The following GRM3 variants were observed in gnomAD, a reference collection of about 807,000 sequenced individuals.
GRM3 encodes metabotropic glutamate receptor 3.
In GRM3, 26 loss-of-function variants were observed where a neutral mutation model predicts 70.5. The ratio of observed to expected loss-of-function variants is 0.37; its 90% confidence interval spans 0.27 to 0.51. GRM3 has a LOEUF of 0.51. Among genes scored for constraint, GRM3 ranks in the 20% least tolerant of loss-of-function variants. The pLI, the probability that GRM3 is intolerant of heterozygous loss-of-function variation, is 0.93. For synonymous variants in GRM3, 443 were observed against 434.9 expected (o/e 1.02, Z -0.23); for missense variants, 859 against 1,123.8 (o/e 0.76, Z 3.37).
At chr7:86,715,865 G>A (rs1795302147) in intron 1 of GRM3, among the ~76,000 whole-genome samples, 2 of 151,978 alleles carry the variant, frequency 1.3e-5, no homozygotes, top group South Asian at 2.1e-4. Context: ...TAAAAGGCCT[G>A]GAAAGTAAGG....
intron 1 of GRM3, among the ~76,000 whole-genome samples, chr7:86,681,790 A>G (rs57843796): frequency 0.094 from 14,372 of 152,252 alleles, 766 homozygotes; most frequent in South Asian, 0.16. Context: ...ACTGATAAAG[A>G]TGAACTAAGT....
At chr7:86,796,605 TG>T (rs1350278047) in intron 3 of GRM3, among the ~76,000 whole-genome samples, 1 of 152,246 alleles carries the variant, frequency 6.6e-6, no homozygotes. Context: ...AGAATGTCGA[TG>T]GTAATTTAGT....
intron 3 of GRM3, among the ~76,000 whole-genome samples, chr7:86,824,089 G>T (rs1170858787): frequency 6.6e-6 from 1 of 152,152 alleles, no homozygotes; most frequent in Non-Finnish European, 1.5e-5. Context: ...TGAGAAGCTA[G>T]TTCCTCTGTC....
At chr7:86,808,538 C>A (rs1402035560) in intron 3 of GRM3, among the ~76,000 whole-genome samples, 2 of 151,816 alleles carry the variant, frequency 1.3e-5, no homozygotes, top group African/African-American at 4.8e-5. Context: ...ACATGCTGAT[C>A]CATACCATGA....
rs767990007 is a variant in GRM3, at chr7:86,786,307, C to G, written c.515C>G (p.Ala172Gly). 1.9e-6 allele frequency: 3 copies of G among 1,614,000 alleles called. No individual in the cohort carries two copies. The Admixed American group carries it at 5.0e-5, about 27-fold the overall frequency. Residue 172 changes from alanine (A) to glycine (G), a missense_variant, in exon 3 of 6, where the codon GCA becomes GGA. Physicochemically the swap from Ala to Gly is moderately conservative, Grantham distance 60. Coordinates refer to ENST00000361669, the MANE Select transcript of GRM3 (RefSeq NM_000840.3). The surrounding 1 kb of genome is among the most constrained non-coding windows in gnomAD (Gnocchi z 6.0). ...RLFQIPQISYASTSAKLSDKS... is the reference protein window; with the variant it reads ...RLFQIPQISYGSTSAKLSDKS... Reference sequence around the variant, plus strand: ...TTCCAGATCCCTCAGATCAGCTACGCATCCACCAGCGCCAAACTCAGTGAT... The same window carrying G: ...TTCCAGATCCCTCAGATCAGCTACGGATCCACCAGCGCCAAACTCAGTGAT...
intron 1 of GRM3, among the ~76,000 whole-genome samples, chr7:86,645,648 C>A (rs1367466704): frequency 1.3e-5 from 2 of 152,054 alleles, no homozygotes; most frequent in Admixed American, 6.6e-5. Context: ...GTGGACAATT[C>A]TCTAAGGTAC....
At chr7:86,780,816 C>G (rs757206356) in intron 2 of GRM3, among the ~76,000 whole-genome samples, 4 of 152,136 alleles carry the variant, frequency 2.6e-5, no homozygotes, top group Non-Finnish European at 5.9e-5. Context: ...AAAGCACAGA[C>G]TGACAAATGA....
At chr7:86,848,115 A>T (rs1021590048) in intron 4 of GRM3, among the ~76,000 whole-genome samples, 1 of 152,214 alleles carries the variant, frequency 6.6e-6, no homozygotes, top group Non-Finnish European at 1.5e-5. Context: ...TGACCTTGGT[A>T]GGCCCATGAA....
intron 3 of GRM3, among the ~76,000 whole-genome samples, chr7:86,813,852 T>C (rs2237563): frequency 0.15 from 23,040 of 151,616 alleles, 2,084 homozygotes; most frequent in Non-Finnish European, 0.22. Context: ...GAACCCTAAT[T>C]GAACAAGACT....
In GRM3 at chr7:86,821,941, C is replaced by CTT. The variant is rs113685892; in HGVS notation, c.1325-16885_1325-16884dup. Among the ~76,000 whole-genome samples, 1,305 of 143,362 alleles carry CTT rather than the reference C, an allele frequency of 9.1e-3. 16 individuals carry two copies. The highest frequency in any genetic ancestry group is 0.032 in the African/African-American group (1,242 of 39,360). The allele number at this position is 143,362 out of a possible 152,430, so 94.1% of individuals were successfully genotyped here. A position where few individuals can be genotyped will look rare whatever the true frequency, so the allele number is the denominator to read the frequency against. On this transcript the variant is annotated intron_variant, in intron 3 of 5. Transcript: ENST00000361669. ...AATAATTACATCTGGCTTAGAGCAA[C>CTT]TTTTTTTTTTTTTTGAGAACAGATT...
intron 1 of GRM3, among the ~76,000 whole-genome samples, chr7:86,662,469 A>T (rs536348825): frequency 6.6e-6 from 1 of 151,942 alleles, no homozygotes; most frequent in Admixed American, 6.6e-5. Flanking sequence ...TGAGCAGGGC[A>T]TATTACCATA....
At chr7:86,650,333 A>G (rs1488966069) in intron 1 of GRM3, among the ~76,000 whole-genome samples, 1 of 150,054 alleles carries the variant, frequency 6.7e-6, no homozygotes, top group Non-Finnish European at 1.5e-5. Flanking sequence ...TACTACCAAT[A>G]TTGCCTCACA....
At chr7:86,823,135 A>G (rs1000097261) in intron 3 of GRM3, among the ~76,000 whole-genome samples, 17 of 152,198 alleles carry the variant, frequency 1.1e-4, no homozygotes, top group African/African-American at 3.9e-4. Context: ...GGCTATCACA[A>G]TAGCCCATAG....
intron 1 of GRM3, among the ~76,000 whole-genome samples, chr7:86,696,662 G>A (rs1470029417): frequency 1.3e-5 from 2 of 151,764 alleles, no homozygotes; most frequent in African/African-American, 2.4e-5. Context: ...AAGGTGAAGA[G>A]TATTTTCTGC....
chr7:86,776,822 G>A (rs1046557017), intron 2 of GRM3, among the ~76,000 whole-genome samples: 2 of 152,068 alleles, frequency 1.3e-5, no homozygotes, highest in African/African-American at 4.8e-5. Flanking sequence ...TCATGCTTTC[G>A]CAGGTGTTGC....
intron 3 of GRM3, among the ~76,000 whole-genome samples, chr7:86,792,057 A>G (rs1797432643): frequency 6.6e-6 from 1 of 152,246 alleles, no homozygotes; most frequent in Non-Finnish European, 1.5e-5. Context: ...GAAAGCTTAA[A>G]CTATGCAATA....
chr7:86,681,470 G>A (rs1341306233), intron 1 of GRM3, among the ~76,000 whole-genome samples: 1 of 152,082 alleles, frequency 6.6e-6, no homozygotes, highest in African/African-American at 2.4e-5. Context: ...GACATTAACT[G>A]TGTCCTAGCA....
At position 86,860,419 on chromosome 7, in the gene GRM3, C is replaced by T. The variant is rs183230285; in HGVS notation, c.2567-3863C>T. 4.9e-3 allele frequency among the ~76,000 whole-genome samples: 747 copies of T among 152,212 alleles called. 6 individuals are homozygous for T. Among genetic ancestry groups the T allele is most frequent in the Non-Finnish European group, 8.3e-3 (562 of 68,014 alleles). On this transcript the variant is annotated intron_variant, in intron 5 of 5. Transcript: ENST00000361669. The stretch of plus-strand genomic sequence containing the variant: ...CAGCATGTGCAAAAATGAGAATTTT[C>T]TTCATAATAAAATGCACCAGCAGAA...
At chr7:86,670,764 G>A (rs1182671343) in intron 1 of GRM3, among the ~76,000 whole-genome samples, 1 of 152,036 alleles carries the variant, frequency 6.6e-6, no homozygotes, top group Non-Finnish European at 1.5e-5. Context: ...TTATTATTCA[G>A]GCTTTTAAGT....
Sources: gnomAD v4.1 joint callset for allele counts (sites outside exome capture counted in the v4.1 genomes callset) on GRCh38, gnomAD v4.1.1 for gene constraint, Gnocchi (gnomAD v3.1) non-coding constraint, MANE v1.5 for transcripts, NCBI Gene and HGNC (gene_info 2026-07-23, HGNC 2026-07-21) for gene names.